Variants in SLFN11 observed in about 807,000 individuals in gnomAD.
SLFN11 encodes schlafen family member 11.
SLFN11 carries 43 observed loss-of-function variants against 53.4 expected under a neutral mutation model. The observed-to-expected ratio is 0.80, with a 90% confidence interval of 0.63 to 1.04. The LOEUF is 1.04. SLFN11 is among the 50% of genes least tolerant of loss of function. The pLI is 0.00. For missense variants in SLFN11, 990 were observed against 1,079.1 expected, an observed-to-expected ratio of 0.92 and a Z score of 1.16; for synonymous variants, 389 against 394.7, an observed-to-expected ratio of 0.99 and a Z score of 0.17.
At chr17:35,364,903 T>C (rs1292525822) in intron 3 of SLFN11, among the ~76,000 whole-genome samples, 1 of 151,990 alleles carries the variant, frequency 6.6e-6, no homozygotes, top group African/African-American at 2.4e-5. Flanking sequence ...GTTCACTATA[T>C]GAAGCTATAA....
chr17:35,372,331 G>A (rs7219676), intron 1 of SLFN11, among the ~76,000 whole-genome samples: 6,706 of 152,170 alleles, frequency 0.044, 339 homozygotes, highest in African/African-American at 0.12. Context: ...TAGGAGGGAA[G>A]GGGTGAGGTG....
Position 35,352,167 on chromosome 17 carries a change from G to A in SLFN11, c.*189C>T, listed in dbSNP as rs937886321. On this transcript the variant is annotated 3_prime_UTR_variant, in exon 7 of 7. Coordinates refer to ENST00000685675, the MANE Select transcript of SLFN11 (RefSeq NM_001376007.1). ...CTGGAAGAGTCAGGGGTCAGAATGG[G>A]GGGCAGCCACCGCTGCTGAAAGGGT... The A allele has an allele frequency of 7.7e-6, 5 of 646,870 alleles. No individual in the cohort carries two copies. The highest frequency in any genetic ancestry group is 2.8e-5 in the East Asian group (1 of 35,476). 40.1% of individuals were successfully genotyped at this position (646,870 alleles called of 1,614,324 possible). A position where few individuals can be genotyped will look rare whatever the true frequency, so the allele number is the denominator to read the frequency against.
intron 3 of SLFN11, among the ~76,000 whole-genome samples, chr17:35,364,513 T>C (rs9894538): frequency 0.11 from 16,821 of 152,018 alleles, 1,636 homozygotes; most frequent in African/African-American, 0.26. Flanking sequence ...TTAGTAAAAT[T>C]AAGGTTATTG....
intron 5 of SLFN11, among the ~76,000 whole-genome samples, chr17:35,354,348 T>C (rs1437580388): frequency 5.3e-5 from 8 of 152,162 alleles, no homozygotes; most frequent in Non-Finnish European, 8.8e-5. Flanking sequence ...ACATTTCCTA[T>C]GAGGAGGAAT....
In SLFN11 at chr17:35,350,377, T is replaced by A. The variant is rs1218684901; in HGVS notation, c.*1979A>T. 3 of 152,138 alleles carry A rather than the reference T, an allele frequency of 2.0e-5. No individual in the cohort carries two copies. Among genetic ancestry groups the A allele is most frequent in the Non-Finnish European group, 4.4e-5 (3 of 68,020 alleles). 9.4% of individuals were successfully genotyped at this position (152,138 alleles called of 1,614,324 possible). On this transcript the variant is annotated 3_prime_UTR_variant, in exon 7 of 7. Transcript: ENST00000685675. ...CAGAAATGCAGTAGTAAGCTAAACC[T>A]TTTGCCATTCATAGGGAAACAAATA...
chr17:35,362,767 C>G lies in SLFN11; in HGVS notation c.1041G>C (p.Trp347Cys). 1.3e-6 allele frequency: 2 copies of G among 1,586,432 alleles called. No individual in the cohort carries two copies. Among genetic ancestry groups the G allele is most frequent in the Non-Finnish European group, 1.7e-6 (2 of 1,166,492 alleles). Reference sequence around the variant, plus strand: ...GATCTGTGTCTGTCATCATGCCTACCCATTTCTCGGTTGTCAGGCTGCAGA... The same window carrying G: ...GATCTGTGTCTGTCATCATGCCTACGCATTTCTCGGTTGTCAGGCTGCAGA... Reference protein sequence around the residue: ...KYVCSLTTEKWVGMMTDTDPD... With the variant: ...KYVCSLTTEKCVGMMTDTDPD... Residue 347 changes from tryptophan (W) to cysteine (C), a missense_variant, in exon 4 of 7, where the codon TGG becomes TGC. This residue lies in a region of SLFN11 where 521 missense variants were observed against 516.2 expected (regional missense o/e 1.01). Transcript: ENST00000685675.
chr17:35,361,635 C>T (rs1908232401), intron 4 of SLFN11, among the ~76,000 whole-genome samples: 1 of 152,002 alleles, frequency 6.6e-6, no homozygotes, highest in South Asian at 2.1e-4. Context: ...CCCTGAGCTA[C>T]TTTCAAATTT....
rs903433874 is a variant in SLFN11, at chr17:35,367,054, A to C, written c.-127T>G. 2 of 144,160 alleles carry C rather than the reference A, an allele frequency of 1.4e-5. No homozygotes were observed. The highest frequency in any genetic ancestry group is 3.1e-5 in the Non-Finnish European group (2 of 65,484). The allele number at this position is 144,160 out of a possible 1,614,324, so 8.9% of individuals were successfully genotyped here. On this transcript the variant is annotated 5_prime_UTR_variant, in exon 3 of 7. Coordinates refer to ENST00000685675, the MANE Select transcript of SLFN11 (RefSeq NM_001376007.1). Reference sequence around the variant, plus strand: ...CCACTGCACTCCAGCCTGGGGGTCAAAGTAAGAATCTGTCTCAAAAAAAAA... The same window carrying C: ...CCACTGCACTCCAGCCTGGGGGTCACAGTAAGAATCTGTCTCAAAAAAAAA...
chr17:35,360,347 A>G lies in SLFN11; in HGVS notation c.1094T>C (p.Phe365Ser), dbSNP rs1432219044. ...DPDLLQLSED[F>S]ECQLSLSSGP... ...ACTAGATAGACTCAGCTGACATTCA[A>G]AATCTTCAGACAACTGTAGAAGATC... The change falls in exon 5 of 7, where the codon TTT (phenylalanine) becomes TCT (serine). Residue 365 changes from phenylalanine to serine, a missense_variant. Coordinates refer to ENST00000685675, the MANE Select transcript of SLFN11 (RefSeq NM_001376007.1). The G allele has an allele frequency of 1.2e-6, 2 of 1,608,500 alleles. No homozygotes were observed. Among genetic ancestry groups the G allele is most frequent in the South Asian group, 2.2e-5 (2 of 90,076 alleles).
At position 35,360,279 on chromosome 17, in the gene SLFN11, C is replaced by A. The variant is rs754420408; in HGVS notation, c.1162G>T (p.Glu388Ter). ...SRPVYSKKGL[E>*]HKKELQQLLF... ...AGTTGCTGGAGTTCCTTTTTATGTT[C>A]CAGGCCTTTCTTGGAGTACACTGGT... Residue 388 changes from glutamate to a stop codon, truncating the protein, a stop_gained, in exon 5 of 7, where the codon GAA (glutamate) becomes TAA (stop). Coordinates refer to ENST00000685675, the MANE Select transcript of SLFN11 (RefSeq NM_001376007.1). LOFTEE classifies it high-confidence loss of function. 1.2e-6 allele frequency: 2 copies of A among 1,610,676 alleles called. No homozygotes were observed. Among genetic ancestry groups the A allele is most frequent in the Admixed American group, 3.4e-5 (2 of 59,360 alleles).
intron 5 of SLFN11, among the ~76,000 whole-genome samples, chr17:35,357,141 T>C (rs1393657608): frequency 2.6e-5 from 2 of 76,776 alleles, no homozygotes; most frequent in African/African-American, 9.8e-5. Flanking sequence ...TTTCTGTGCG[T>C]GTGTGTGTGT....
At chr17:35,362,703 G>T in intron 4 of SLFN11, 36 bp downstream of exon 4, 1 of 1,490,376 alleles carries the variant, frequency 6.7e-7, no homozygotes, top group South Asian at 1.4e-5. Flanking sequence ...CAAGGATGTA[G>T]AAAGGACAGG....
rs576071691 is a variant in SLFN11 at position 35,362,354 on chromosome 17, C to T, written c.1069+385G>A. Reference sequence around the variant, plus strand: ...GAATTTATTACATTTGTTTCTGATACGATTTATTTAGGTGCAAGTATATAC... The same window carrying T: ...GAATTTATTACATTTGTTTCTGATATGATTTATTTAGGTGCAAGTATATAC... On this transcript the variant is annotated intron_variant, in intron 4 of 6. Coordinates refer to ENST00000685675, the MANE Select transcript of SLFN11 (RefSeq NM_001376007.1). Among the ~76,000 whole-genome samples, 23 of 152,044 alleles carry T rather than the reference C, an allele frequency of 1.5e-4. No homozygotes were observed. In the South Asian group the frequency reaches 1.7e-3, roughly 11 times the overall value.
chr17:35,353,314 G>T (rs1350719625), intron 6 of SLFN11, 22 bp downstream of exon 6: 8 of 1,613,922 alleles, frequency 5.0e-6, no homozygotes, highest in Non-Finnish European at 5.9e-6. Flanking sequence ...AATACTTAGA[G>T]ACGTAAGATC....
intron 4 of SLFN11, among the ~76,000 whole-genome samples, chr17:35,361,504 C>CAAA (rs1567822290): frequency 5.7e-4 from 86 of 152,140 alleles, no homozygotes; most frequent in African/African-American, 1.9e-3. Context: ...CACTCTCACC[C>CAAA]ATGCTGGGGT....
rs759930377 is a variant in SLFN11 at position 35,363,791 on chromosome 17, C to T, written c.17G>A (p.Cys6Tyr). ...GTAAGATGGTTCCACAACCAGGGGG[C>T]ACTGATTTGCCTCCATGTTGAACTC... MEANQ[C>Y]PLVVEPSYPD... is the part of the protein sequence containing the mutation. Residue 6 changes from cysteine (C) to tyrosine (Y), a missense_variant, in exon 4 of 7, where the codon TGC becomes TAC. Around this residue, in one of 3 missense-constraint regions of SLFN11, gnomAD observed 521 missense variants for 516.2 expected, o/e 1.01. Transcript: ENST00000685675. 1 of 1,578,252 alleles carries T rather than the reference C, an allele frequency of 6.3e-7. No individual in the cohort carries two copies. Among genetic ancestry groups the T allele is most frequent in the South Asian group, 1.2e-5 (1 of 84,270 alleles).
chr17:35,370,289 T>A (rs907545401), intron 1 of SLFN11, among the ~76,000 whole-genome samples: 1 of 152,110 alleles, frequency 6.6e-6, no homozygotes, highest in African/African-American at 2.4e-5. Context: ...TATCCCTTCA[T>A]GGAAAACTCC....
Position 35,362,979 on chromosome 17 carries a change from C to T in SLFN11, c.829G>A (p.Ala277Thr), listed in dbSNP as rs1597717237. 7 of 1,613,884 alleles carry T rather than the reference C, an allele frequency of 4.3e-6. No homozygotes were observed. In the Middle Eastern group the frequency reaches 5.0e-4, roughly 114 times the overall value. Reference protein sequence around the residue: ...PDSLRRKIEQAIYKLPCVHFC... With the variant: ...PDSLRRKIEQTIYKLPCVHFC... The stretch of plus-strand genomic sequence containing the variant: ...TGAACACAAGGTAGTTTGTATATGG[C>T]TTGTTCTATTTTCCTTCTCAAAGAG... Residue 277 changes from alanine to threonine, a missense_variant, in exon 4 of 7, where the codon GCC becomes ACC. Physicochemically the swap from Ala to Thr is moderately conservative, Grantham distance 58. Transcript: ENST00000685675.
rs1906867768 is a variant in SLFN11 at position 35,352,683 on chromosome 17, T to G, written c.2379A>C (p.Ala793=). The change falls in exon 7 of 7, where the codon GCA becomes GCC. Residue 793 remains alanine (A), a synonymous_variant. Coordinates refer to ENST00000685675, the MANE Select transcript of SLFN11 (RefSeq NM_001376007.1). The part of the protein sequence containing the change: ...LTVEQIMTCV[A]DTCRRFFDRG... ...TATCAAAGAAGCGCCTGCACGTGTC[T>G]GCCACACAGGTCATTATTTGCTCCA... 1.9e-6 allele frequency: 3 copies of G among 1,613,894 alleles called. No homozygotes were observed.
Sources: allele counts gnomAD v4.1 joint callset (sites outside exome capture counted in the v4.1 genomes callset), GRCh38; gene constraint gnomAD v4.1.1; regional missense constraint gnomAD v4.1.1; transcripts MANE v1.5; gene names NCBI Gene and HGNC (gene_info 2026-07-23, HGNC 2026-07-21).